The following RBL2 variants were observed in gnomAD, a reference collection of about 807,000 sequenced individuals.
RBL2 encodes the protein RB transcriptional corepressor like 2.
In RBL2, 56 loss-of-function variants were observed where a neutral mutation model predicts 126.0. That is an observed-to-expected ratio of 0.44 (90% CI 0.36 to 0.56). RBL2 has a LOEUF of 0.56. Ranked by LOEUF, RBL2 falls within the 20% of genes least tolerant of loss-of-function variation. The probability of loss-of-function intolerance (pLI) is 0.00; values close to 1 mark genes in which losing one functional copy is unlikely to be tolerated. For missense variants in RBL2, 1,229 were observed against 1,398.2 expected (o/e 0.88, Z 1.93); for synonymous variants, 454 against 478.5 (o/e 0.95, Z 0.67).
chr16:53,462,527 G>GTT (rs55875935), intron 10 of RBL2, 25 bp from the exon 11 acceptor site: 461 of 1,130,244 alleles, frequency 4.1e-4, no homozygotes, highest in African/African-American at 3.4e-3. Context: ...TTTTTGTGGG[G>GTT]TTTTTTTTTT....
rs111915143 is a variant in RBL2, at chr16:53,451,469, G to A, written c.638-234G>A. Among the ~76,000 whole-genome samples, 986 of 152,164 alleles carry A rather than the reference G, an allele frequency of 6.5e-3. 7 individuals are homozygous for A. Among genetic ancestry groups the A allele is most frequent in the African/African-American group, 0.022 (933 of 41,516 alleles). On this transcript the variant is annotated intron_variant, in intron 4 of 21. Coordinates refer to ENST00000262133, the MANE Select transcript of RBL2 (RefSeq NM_005611.4). ...TGCAGTGAGCCATGATCATACCACT[G>A]TACTCCAGCCTGGGTGACCCACCAA...
In RBL2 at chr16:53,441,281, T is replaced by C. The variant is rs1416348739; in HGVS notation, c.372-1377T>C. Among the ~76,000 whole-genome samples, 3 of 152,140 alleles carry C rather than the reference T, an allele frequency of 2.0e-5. No homozygotes were observed. The East Asian group carries it at 5.8e-4, about 29-fold the overall frequency. Reference sequence around the variant, plus strand: ...AGGCAGGAACTCTATATTGCTGGTGTACATTGGTGAGAGTCAAAATTGACA... The same window carrying C: ...AGGCAGGAACTCTATATTGCTGGTGCACATTGGTGAGAGTCAAAATTGACA... On this transcript the variant is annotated intron_variant, in intron 2 of 21. Coordinates refer to ENST00000262133, the MANE Select transcript of RBL2 (RefSeq NM_005611.4).
At chr16:53,474,703 C>T (rs1960660684) in intron 17 of RBL2, among the ~76,000 whole-genome samples, 1 of 152,134 alleles carries the variant, frequency 6.6e-6, no homozygotes, top group African/African-American at 2.4e-5. Flanking sequence ...TTTATTTTTT[C>T]AAGTTTCCAC....
At chr16:53,435,305 C>T (rs1240099207) in intron 1 of RBL2, among the ~76,000 whole-genome samples, 1 of 152,162 alleles carries the variant, frequency 6.6e-6, no homozygotes, top group Non-Finnish European at 1.5e-5. Context: ...GCGTTTTGGG[C>T]TGTGTTTACG....
chr16:53,437,308 GTTT>G (rs773590950), intron 1 of RBL2, among the ~76,000 whole-genome samples: 2 of 138,620 alleles, frequency 1.4e-5, no homozygotes, highest in African/African-American at 2.6e-5. Flanking sequence ...GATCTTGGCT[GTTT>G]TTTTTTTTTT....
At chr16:53,471,009 A>G (rs1048524717) in intron 17 of RBL2, 87 bp downstream of exon 17, 1 of 1,339,710 alleles carries the variant, frequency 7.5e-7, no homozygotes, top group African/African-American at 1.5e-5. Flanking sequence ...TACAGTTTAC[A>G]TGCTCTATAA....
At chr16:53,435,111 A>G (rs1231022391) in intron 1 of RBL2, among the ~76,000 whole-genome samples, 1 of 151,996 alleles carries the variant, frequency 6.6e-6, no homozygotes, top group Non-Finnish European at 1.5e-5. Context: ...CCGCCTTGTT[A>G]GTAGAATGAA....
At position 53,465,539 on chromosome 16, in the gene RBL2, A is replaced by C. The variant is rs1291915537; in HGVS notation, c.1800A>C (p.Lys600Asn). 11 of 1,606,984 alleles carry C rather than the reference A, an allele frequency of 6.8e-6. No homozygotes were observed. The highest frequency in any genetic ancestry group is 9.3e-6 in the Non-Finnish European group (11 of 1,177,100). ...AGATCTTAGATCATTTGGCATGGAA[A>C]CCAGAGTCTCCACTCTGGGAAAAAA... ...EEQILDHLAW[K>N]PESPLWEKIR... is the part of the protein sequence containing the mutation. The change falls in exon 13 of 22, where the codon AAA (lysine) becomes AAC (asparagine). Residue 600 changes from lysine (K) to asparagine (N), a missense_variant. Physicochemically the swap from Lys to Asn is moderately conservative, Grantham distance 94 (BLOSUM62 0). This residue lies in a region of RBL2 where 1,070 missense variants were observed against 1,274.3 expected (regional missense o/e 0.84). Coordinates refer to ENST00000262133, the MANE Select transcript of RBL2 (RefSeq NM_005611.4).
Position 53,440,697 on chromosome 16 carries a change from AT to A in RBL2, c.371+1552del, listed in dbSNP as rs563643937. On this transcript the variant is annotated intron_variant, in intron 2 of 21. Coordinates refer to ENST00000262133, the MANE Select transcript of RBL2 (RefSeq NM_005611.4). Reference sequence around the variant, plus strand: ...GCCTCCCAAGTAGCTGGGATTACAGATGCGCACCACCACACCTGGCTAATTT... The same window carrying A: ...GCCTCCCAAGTAGCTGGGATTACAGAGCGCACCACCACACCTGGCTAATTT... 3.9e-4 allele frequency among the ~76,000 whole-genome samples: 60 copies of A among 152,030 alleles called. No homozygotes were observed. In the East Asian group the frequency reaches 8.5e-3, roughly 22 times the overall value.
At chr16:53,477,179 T>C (rs1037812384) in intron 17 of RBL2, among the ~76,000 whole-genome samples, 19 of 152,220 alleles carry the variant, frequency 1.2e-4, no homozygotes, top group African/African-American at 4.6e-4. Context: ...GTTAACTGTT[T>C]CGTTACACAT....
chr16:53,447,641 T>A (rs1296319806), intron 4 of RBL2, among the ~76,000 whole-genome samples: 1 of 151,990 alleles, frequency 6.6e-6, no homozygotes, highest in Admixed American at 6.6e-5. Context: ...CTTTTTGTAT[T>A]TATTTATTTA....
chr16:53,449,588 A>G (rs1229881462), intron 4 of RBL2: 43 of 127,184 alleles, frequency 3.4e-4, no homozygotes, highest in African/African-American at 1.9e-3. Flanking sequence ...CGTGTCTCGA[A>G]AAAAAAAAAA....
intron 21 of RBL2, among the ~76,000 whole-genome samples, chr16:53,483,923 T>G: frequency 1.5e-5 from 1 of 67,726 alleles, no homozygotes; most frequent in Non-Finnish European, 3.0e-5. Context: ...TTTCCTATCA[T>G]AGTAAAAAAA....
intron 2 of RBL2, among the ~76,000 whole-genome samples, chr16:53,440,137 A>C (rs1422594605): frequency 2.0e-5 from 3 of 152,036 alleles, no homozygotes; most frequent in African/African-American, 7.3e-5. Context: ...CTCAACTAAA[A>C]ATACAAAAAT....
intron 17 of RBL2, among the ~76,000 whole-genome samples, chr16:53,472,691 A>G (rs1042717890): frequency 9.9e-5 from 15 of 152,162 alleles, no homozygotes; most frequent in Admixed American, 3.9e-4. Context: ...GTATCTTTTC[A>G]CTTACTCGAT....
At position 53,490,636 on chromosome 16, in the gene RBL2, A is replaced by G. The variant is rs1961383804; in HGVS notation, c.*336A>G. 5.3e-6 allele frequency: 1 copy of G among 190,270 alleles called. No individual in the cohort carries two copies. 11.8% of individuals were successfully genotyped at this position (190,270 alleles called of 1,614,324 possible). On this transcript the variant is annotated 3_prime_UTR_variant, in exon 22 of 22. Transcript: ENST00000262133. ...GAGCATAGGAGGCTTCTGTTGACGTACTCCAACAGAAGAACTGTGTTTCAA... is the reference window on the plus strand; with the variant it reads ...GAGCATAGGAGGCTTCTGTTGACGTGCTCCAACAGAAGAACTGTGTTTCAA...
chr16:53,485,260 A>T (rs1961120259), intron 21 of RBL2, among the ~76,000 whole-genome samples: 1 of 152,226 alleles, frequency 6.6e-6, no homozygotes, highest in Non-Finnish European at 1.5e-5. Flanking sequence ...GAAATCAATA[A>T]AAGATACCTG....
At chr16:53,454,925 G>C in intron 8 of RBL2, 83 bp downstream of exon 8, 13 of 1,234,746 alleles carry the variant, frequency 1.1e-5, no homozygotes, top group Non-Finnish European at 1.3e-5. Flanking sequence ...TTTCATGTTT[G>C]TGTTTTACTT....
At chr16:53,441,646 TA>T (rs1354360419) in intron 2 of RBL2, among the ~76,000 whole-genome samples, 2 of 152,162 alleles carry the variant, frequency 1.3e-5, no homozygotes, top group African/African-American at 4.8e-5. Flanking sequence ...ATATAAAATG[TA>T]AAAACACGTA....
Sources: allele counts gnomAD v4.1 joint callset (sites outside exome capture counted in the v4.1 genomes callset), GRCh38; gene constraint gnomAD v4.1.1; regional missense constraint gnomAD v4.1.1; transcripts MANE v1.5; gene names NCBI Gene and HGNC (gene_info 2026-07-23, HGNC 2026-07-21).